SCFD1: variants seen among roughly 807,000 people sequenced by gnomAD.
SCFD1 encodes the protein sec1 family domain containing 1.
SCFD1 carries 37 observed loss-of-function variants against 103.2 expected under a neutral mutation model. The observed-to-expected ratio is 0.36, with a 90% CI of 0.28 to 0.47. SCFD1 has a LOEUF of 0.47. Ranked by LOEUF, SCFD1 falls within the 20% of genes least tolerant of loss-of-function variation. The pLI is 1.00. For synonymous variants in SCFD1, 264 were observed against 245.0 expected, an observed-to-expected ratio of 1.08 and a Z score of -0.73; for missense variants, 639 against 761.2, an observed-to-expected ratio of 0.84 and a Z score of 1.89.
At chr14:30,656,569 C>T (rs1000206139) in intron 10 of SCFD1, among the ~76,000 whole-genome samples, 3 of 152,050 alleles carry the variant, frequency 2.0e-5, no homozygotes, top group African/African-American at 4.8e-5. Flanking sequence ...CAATTATACC[C>T]CGGGTGGCAG....
At chr14:30,630,969 A>G (rs1884050893) in intron 3 of SCFD1, 1 of 172,556 alleles carries the variant, frequency 5.8e-6, no homozygotes, top group Admixed American at 6.0e-5. Context: ...TAACCTACCA[A>G]ACATCATAGC....
At chr14:30,644,043 C>T (rs941289747) in intron 7 of SCFD1, 5 of 449,148 alleles carry the variant, frequency 1.1e-5, no homozygotes, top group African/African-American at 1.0e-4. Context: ...CTATTATTCT[C>T]ATCTTTGTGT....
At chr14:30,637,299 T>A (rs930924806) in intron 4 of SCFD1, among the ~76,000 whole-genome samples, 5 of 152,092 alleles carry the variant, frequency 3.3e-5, no homozygotes, top group Admixed American at 6.6e-5. Context: ...CTTTACAAAT[T>A]TGTAACTCCT....
At chr14:30,716,434 T>C (rs1892282508) in intron 20 of SCFD1, among the ~76,000 whole-genome samples, 2 of 152,144 alleles carry the variant, frequency 1.3e-5, no homozygotes. Flanking sequence ...AAATTGACAA[T>C]GAAATCATTG....
At chr14:30,693,452 C>T (rs1890461459) in intron 14 of SCFD1, among the ~76,000 whole-genome samples, 1 of 152,118 alleles carries the variant, frequency 6.6e-6, no homozygotes, top group Non-Finnish European at 1.5e-5. Flanking sequence ...TTTGGCCTTG[C>T]GTGCCACTGC....
chr14:30,633,413 T>C (rs1884382726), intron 3 of SCFD1, among the ~76,000 whole-genome samples: 1 of 152,162 alleles, frequency 6.6e-6, no homozygotes, highest in Non-Finnish European at 1.5e-5. Context: ...TAGACAAAAA[T>C]AGATTGTCTT....
At chr14:30,709,403 TTGTATATTTTGTAGA>T (rs1444066033) in intron 19 of SCFD1, among the ~76,000 whole-genome samples, 1 of 152,102 alleles carries the variant, frequency 6.6e-6, no homozygotes, top group Non-Finnish European at 1.5e-5. Context: ...TGGCTAATCT[TTGTATATTTTGTAGA>T]GATGGGGTTT....
At chr14:30,722,649 T>C (rs1892731074) in intron 23 of SCFD1, 90 bp downstream of exon 23, 1 of 664,346 alleles carries the variant, frequency 1.5e-6, no homozygotes, top group East Asian at 2.9e-5. Context: ...GATCCTTCTA[T>C]AACTTCTTTT....
intron 9 of SCFD1, among the ~76,000 whole-genome samples, chr14:30,652,167 G>A (rs990782351): frequency 5.3e-5 from 8 of 152,180 alleles, no homozygotes; most frequent in African/African-American, 1.4e-4. Flanking sequence ...AGAGTGTAAT[G>A]AGTTAATTCT....
intron 23 of SCFD1, among the ~76,000 whole-genome samples, chr14:30,730,217 C>A (rs1168660944): frequency 6.6e-6 from 1 of 152,160 alleles, no homozygotes; most frequent in African/African-American, 2.4e-5. Flanking sequence ...CATAGTATTC[C>A]ATGGTGTATA....
At position 30,672,852 on chromosome 14, in the gene SCFD1, T is replaced by G. The variant is rs954834301; in HGVS notation, c.996-405T>G. On this transcript the variant is annotated intron_variant, in intron 11 of 24. Transcript: ENST00000458591. ...TTTAAATGCTGTCTTTGTAGTTGCA[T>G]GGACCCTTTGACATGACGTGTTAAT... Among the ~76,000 whole-genome samples the G allele has an allele frequency of 5.9e-5, 9 of 152,336 alleles. No individual in the cohort carries two copies. The Middle Eastern group carries it at 0.01, about 173-fold the overall frequency.
intron 14 of SCFD1, among the ~76,000 whole-genome samples, chr14:30,682,730 A>G (rs1889586105): frequency 1.3e-5 from 2 of 152,228 alleles, no homozygotes; most frequent in Admixed American, 1.3e-4. Context: ...GAAAGATGCC[A>G]GGAATTAAAC....
chr14:30,631,639 A>G (rs770413690), intron 3 of SCFD1, among the ~76,000 whole-genome samples: 24 of 152,334 alleles, frequency 1.6e-4, no homozygotes, highest in Non-Finnish European at 3.1e-4. Context: ...GTTAATCACC[A>G]TAGTGGGCTA....
chr14:30,674,042 A>ATT, intron 13 of SCFD1, 45 bp downstream of exon 13: 10 of 1,348,466 alleles, frequency 7.4e-6, no homozygotes, highest in South Asian at 1.3e-5. Flanking sequence ...TGTTGATAGG[A>ATT]TTTTTTTTTT....
chr14:30,663,618 A>G (rs908665332), intron 10 of SCFD1, among the ~76,000 whole-genome samples: 1 of 152,294 alleles, frequency 6.6e-6, no homozygotes, highest in Non-Finnish European at 1.5e-5. Context: ...GTAACTCTCT[A>G]GTCTTTAAAT....
intron 17 of SCFD1, among the ~76,000 whole-genome samples, chr14:30,705,516 A>G (rs1239810910): frequency 6.6e-6 from 1 of 152,150 alleles, no homozygotes; most frequent in Non-Finnish European, 1.5e-5. Context: ...CACACCTGTA[A>G]TCCCAGCACT....
At position 30,628,194 on chromosome 14, in the gene SCFD1, A is replaced by G. The variant is rs1355806351; in HGVS notation, c.62-15A>G. ...AAAAACAATGACAATATTTGATAAA[A>G]CTTTTTATTTTCAGTGGCTTTGAAG... On this transcript the variant is annotated splice_polypyrimidine_tract_variant and intron_variant, in intron 1 of 24. Coordinates refer to ENST00000458591, the MANE Select transcript of SCFD1 (RefSeq NM_016106.4). The G allele has an allele frequency of 1.9e-6, 3 of 1,592,294 alleles. No homozygotes were observed. Among genetic ancestry groups the G allele is most frequent in the Non-Finnish European group, 2.6e-6 (3 of 1,165,468 alleles).
intron 19 of SCFD1, among the ~76,000 whole-genome samples, chr14:30,711,111 A>C (rs1293072452): frequency 6.6e-6 from 1 of 152,230 alleles, no homozygotes; most frequent in Non-Finnish European, 1.5e-5. Context: ...TGTGAAGATG[A>C]ATAATGTAGC....
At chr14:30,690,818 G>T (rs1276889167) in intron 14 of SCFD1, among the ~76,000 whole-genome samples, 1 of 152,210 alleles carries the variant, frequency 6.6e-6, no homozygotes, top group Non-Finnish European at 1.5e-5. Context: ...TTCCTATTCG[G>T]CCATCTTGGC....
Sources: allele counts gnomAD v4.1 joint callset (sites outside exome capture counted in the v4.1 genomes callset), GRCh38; gene constraint gnomAD v4.1.1; transcripts MANE v1.5; gene names NCBI Gene and HGNC (gene_info 2026-07-23, HGNC 2026-07-21).